ITGA8: variants seen among roughly 807,000 people sequenced by gnomAD.
The protein encoded by ITGA8 is integrin subunit alpha 8, also known as integrin alpha-8.
A neutral mutation model predicts 142.3 loss-of-function variants in ITGA8; 91 were observed. The ratio of observed to expected loss-of-function variants is 0.64; its 90% CI spans 0.54 to 0.76. ITGA8 has a LOEUF of 0.76. Ranked by LOEUF, ITGA8 falls within the 30% of genes least tolerant of loss-of-function variation. ITGA8 has a pLI of 0.00. For missense variants in ITGA8, 1,406 were observed against 1,327.7 expected (o/e 1.06, Z -0.92); for synonymous variants, 505 against 485.2 (o/e 1.04, Z -0.54).
At chr10:15,564,599 A>G (rs1263053242) in intron 25 of ITGA8, among the ~76,000 whole-genome samples, 1 of 152,240 alleles carries the variant, frequency 6.6e-6, no homozygotes, top group Non-Finnish European at 1.5e-5. Flanking sequence ...TTCTATTTTC[A>G]TCATTCTTTA....
At chr10:15,582,298 A>T (rs923465936) in intron 23 of ITGA8, among the ~76,000 whole-genome samples, 27 of 152,214 alleles carry the variant, frequency 1.8e-4, no homozygotes, top group Non-Finnish European at 3.5e-4. Flanking sequence ...AGATACAATT[A>T]GCTTATAATT....
At chr10:15,651,741 G>A (rs1447561675) in intron 11 of ITGA8, among the ~76,000 whole-genome samples, 3 of 152,070 alleles carry the variant, frequency 2.0e-5, no homozygotes, top group Admixed American at 6.5e-5. Flanking sequence ...TCTGAACCAT[G>A]AGCAATGACC....
intron 26 of ITGA8, among the ~76,000 whole-genome samples, chr10:15,552,341 G>A (rs1020130950): frequency 6.6e-6 from 1 of 152,098 alleles, no homozygotes; most frequent in Non-Finnish European, 1.5e-5. Flanking sequence ...GTTTCACCAT[G>A]TTAGCCAGGA....
intron 28 of ITGA8, among the ~76,000 whole-genome samples, chr10:15,526,263 G>A (rs377524644): frequency 5.9e-5 from 9 of 151,460 alleles, no homozygotes; most frequent in Admixed American, 1.3e-4. Flanking sequence ...CGCAACCTCC[G>A]CCTCCCAGGT....
chr10:15,667,164 G>C (rs1834411614), intron 8 of ITGA8, among the ~76,000 whole-genome samples: 1 of 152,090 alleles, frequency 6.6e-6, no homozygotes. Context: ...TTTTTTGGTT[G>C]GTAAGCTATT....
At chr10:15,556,129 C>T (rs1436157024) in intron 26 of ITGA8, among the ~76,000 whole-genome samples, 2 of 140,046 alleles carry the variant, frequency 1.4e-5, no homozygotes, top group East Asian at 2.3e-4. Context: ...CTAGTTCAAG[C>T]GATTCTCCTG....
intron 23 of ITGA8, among the ~76,000 whole-genome samples, chr10:15,576,974 G>C (rs983868099): frequency 2.6e-5 from 4 of 152,070 alleles, no homozygotes; most frequent in Non-Finnish European, 5.9e-5. Flanking sequence ...TTCTGACTTG[G>C]TTTGATTAAA....
chr10:15,560,291 A>G (rs1241557686), intron 25 of ITGA8, among the ~76,000 whole-genome samples: 1 of 152,208 alleles, frequency 6.6e-6, no homozygotes, highest in African/African-American at 2.4e-5. Context: ...AAAAAAAATA[A>G]AAAGAAAAAA....
rs543833728 is a variant in ITGA8, at chr10:15,515,739, C to A, written c.*1419G>T. 1 of 152,122 alleles carries A rather than the reference C, an allele frequency of 6.6e-6. No homozygotes were observed. The highest frequency in any genetic ancestry group is 2.1e-4 in the South Asian group (1 of 4,812). 9.4% of individuals were successfully genotyped at this position (152,122 alleles called of 1,614,324 possible). ...AAAAAAGGATACAAAATTGTGCAGA[C>A]TACCTATAAATTTGGCTGGTCAATT... On this transcript the variant is annotated 3_prime_UTR_variant, in exon 30 of 30. Coordinates refer to ENST00000378076, the MANE Select transcript of ITGA8 (RefSeq NM_003638.3).
chr10:15,545,036 A>G (rs73598778), intron 27 of ITGA8, among the ~76,000 whole-genome samples: 8,362 of 152,262 alleles, frequency 0.055, 746 homozygotes, highest in African/African-American at 0.19. Context: ...ACACTGAACC[A>G]GAATCACCCA....
At position 15,597,286 on chromosome 10, in the gene ITGA8, A is replaced by T; in HGVS notation, c.2132T>A (p.Leu711Gln). 1 of 1,613,948 alleles carries T rather than the reference A, an allele frequency of 6.2e-7. No individual in the cohort carries two copies. Among genetic ancestry groups the T allele is most frequent in the Non-Finnish European group, 8.5e-7 (1 of 1,179,842 alleles). Residue 711 changes from leucine (L) to glutamine (Q), a missense_variant, in exon 21 of 30, where the codon CTG (leucine) becomes CAG (glutamine). Leu to Gln is a moderately radical substitution (Grantham distance 113). Coordinates refer to ENST00000378076, the MANE Select transcript of ITGA8 (RefSeq NM_003638.3). ...IERNNKGFRPLSCEYKMENVT... is the reference protein window; with the variant it reads ...IERNNKGFRPQSCEYKMENVT... Reference sequence around the variant, plus strand: ...ATTTTCCATCTTGTACTCACAGCTCAGTGGTCGAAATCCCTACAATTGCAA... The same window carrying T: ...ATTTTCCATCTTGTACTCACAGCTCTGTGGTCGAAATCCCTACAATTGCAA...
At chr10:15,569,839 T>C (rs1834146882) in intron 25 of ITGA8, among the ~76,000 whole-genome samples, 1 of 152,238 alleles carries the variant, frequency 6.6e-6, no homozygotes, top group Non-Finnish European at 1.5e-5. Flanking sequence ...TATTTGTTTT[T>C]CACTAAAGTC....
chr10:15,618,088 G>A (rs1046228536), intron 13 of ITGA8, among the ~76,000 whole-genome samples: 8 of 152,188 alleles, frequency 5.3e-5, no homozygotes, highest in South Asian at 2.1e-4. Flanking sequence ...TGGGGAAGGA[G>A]GGAGGGAGAT....
At chr10:15,600,626 C>T (rs1356213749) in intron 20 of ITGA8, among the ~76,000 whole-genome samples, 1 of 152,144 alleles carries the variant, frequency 6.6e-6, no homozygotes, top group East Asian at 1.9e-4. Context: ...TGGATCTTAT[C>T]CTCAACGCAA....
intron 13 of ITGA8, among the ~76,000 whole-genome samples, chr10:15,630,094 T>C (rs570054895): frequency 6.6e-6 from 1 of 152,168 alleles, no homozygotes; most frequent in Non-Finnish European, 1.5e-5. Context: ...GGGTCAAGGG[T>C]TAAACGCTAG....
At chr10:15,615,386 TA>T (rs1400524048) in intron 14 of ITGA8, among the ~76,000 whole-genome samples, 1 of 152,224 alleles carries the variant, frequency 6.6e-6, no homozygotes, top group Non-Finnish European at 1.5e-5. Context: ...TGAGGAAACT[TA>T]ACCTTAGAAT....
intron 26 of ITGA8, among the ~76,000 whole-genome samples, chr10:15,550,287 C>A (rs373938576): frequency 6.6e-6 from 1 of 152,098 alleles, no homozygotes; most frequent in South Asian, 2.1e-4. Flanking sequence ...AACCCAGTCT[C>A]GGGTATGTCT....
At chr10:15,694,678 C>CACATATATATAT (rs1554788565) in intron 2 of ITGA8, among the ~76,000 whole-genome samples, 4 of 77,510 alleles carry the variant, frequency 5.2e-5, no homozygotes, top group East Asian at 3.6e-4. Flanking sequence ...TATTTGTCGA[C>CACATATATATAT]ATATATATAT....
intron 8 of ITGA8, among the ~76,000 whole-genome samples, chr10:15,667,541 T>C (rs1834419980): frequency 6.6e-6 from 1 of 152,216 alleles, no homozygotes; most frequent in Non-Finnish European, 1.5e-5. Flanking sequence ...TGATCTTAGT[T>C]ATTTCTTGCC....
Sources: allele counts gnomAD v4.1 joint callset (sites outside exome capture counted in the v4.1 genomes callset), GRCh38; gene constraint gnomAD v4.1.1; transcripts MANE v1.5; gene names NCBI Gene and HGNC (gene_info 2026-07-23, HGNC 2026-07-21).